RORA: variants seen among roughly 807,000 people sequenced by gnomAD.
RORA encodes nuclear receptor ROR-alpha.
In RORA, 7 loss-of-function variants were observed where a neutral mutation model predicts 69.5. The ratio of observed to expected loss-of-function variants is 0.10; its 90% CI spans 0.06 to 0.19. RORA has a LOEUF of 0.19. Among genes scored for constraint, RORA ranks in the 10% least tolerant of loss-of-function variants. The probability of loss-of-function intolerance (pLI) is 1.00; values close to 1 mark genes in which losing one functional copy is unlikely to be tolerated. For synonymous variants in RORA, 261 were observed against 240.8 expected (o/e 1.08, Z -0.78); for missense variants, 457 against 663.0 (o/e 0.69, Z 3.41).
intron 2 of RORA, among the ~76,000 whole-genome samples, chr15:60,620,006 C>G (rs1373989568): frequency 6.6e-6 from 1 of 152,206 alleles, no homozygotes; most frequent in Non-Finnish European, 1.5e-5. Context: ...CCCTAAGATT[C>G]TTCCTGTCCC....
chr15:60,675,038 C>G (rs935101762), intron 2 of RORA, among the ~76,000 whole-genome samples: 2 of 152,160 alleles, frequency 1.3e-5, no homozygotes, highest in Non-Finnish European at 2.9e-5. Context: ...GAGGTTAGGA[C>G]TCCATGATGC....
intron 1 of RORA, among the ~76,000 whole-genome samples, chr15:61,044,324 G>C (rs753582352): frequency 6.6e-6 from 1 of 152,096 alleles, no homozygotes; most frequent in African/African-American, 2.4e-5. Flanking sequence ...GCTCCTCTCA[G>C]AGACACCTTG....
chr15:61,136,263 A>T (rs2079239307), intron 1 of RORA, among the ~76,000 whole-genome samples: 1 of 152,086 alleles, frequency 6.6e-6, no homozygotes, highest in Admixed American at 6.6e-5. Flanking sequence ...TACTACCTAA[A>T]TTATCCTCCT....
chr15:60,735,507 A>C (rs1253542229), intron 1 of RORA, among the ~76,000 whole-genome samples: 1 of 152,120 alleles, frequency 6.6e-6, no homozygotes, highest in African/African-American at 2.4e-5. Flanking sequence ...ACTTAATTGA[A>C]ATAAAACCAG....
intron 1 of RORA, among the ~76,000 whole-genome samples, chr15:60,939,256 C>T (rs1201055728): frequency 6.6e-6 from 1 of 152,118 alleles, no homozygotes; most frequent in East Asian, 1.9e-4. Flanking sequence ...CACCATGAAC[C>T]AGGCATTCTT....
chr15:60,656,354 C>CA (rs2070222234), intron 2 of RORA, among the ~76,000 whole-genome samples: 1 of 152,158 alleles, frequency 6.6e-6, no homozygotes. Flanking sequence ...TGGAGGCATA[C>CA]AAAAACAGAC....
At chr15:60,811,712 A>G (rs950838413) in intron 1 of RORA, among the ~76,000 whole-genome samples, 6 of 152,050 alleles carry the variant, frequency 3.9e-5, no homozygotes, top group African/African-American at 1.2e-4. Flanking sequence ...TATTACCCAC[A>G]TCTCAATTCT....
intron 1 of RORA, among the ~76,000 whole-genome samples, chr15:60,852,686 C>T (rs764127376): frequency 6.6e-6 from 1 of 152,122 alleles, no homozygotes; most frequent in Admixed American, 6.5e-5. Flanking sequence ...TTAGAATAGG[C>T]TCAAGCTGTC....
chr15:60,639,112 A>G (rs953089599), intron 2 of RORA, among the ~76,000 whole-genome samples: 5 of 152,052 alleles, frequency 3.3e-5, no homozygotes, highest in African/African-American at 1.2e-4. Context: ...TGATTTTGTC[A>G]TAGTAAGCAC....
At position 60,493,669 on chromosome 15, in the gene RORA, AATTAC is replaced by A. The variant is rs1441973935; in HGVS notation, c.*3781_*3785del. ...TTTGTTTGTATTTTTTTTTTTAGAA[AATTAC>A]ATTACTTTCTTTCTTTGTTTCACAT... On this transcript the variant is annotated 3_prime_UTR_variant, in exon 11 of 11. Transcript: ENST00000335670. The A allele has an allele frequency of 1.3e-5, 2 of 152,168 alleles. No homozygotes were observed. The highest frequency in any genetic ancestry group is 2.1e-4 in the South Asian group (1 of 4,824). 9.4% of individuals were successfully genotyped at this position (152,168 alleles called of 1,614,324 possible). A position where few individuals can be genotyped will look rare whatever the true frequency, so the allele number is the denominator to read the frequency against.
At chr15:61,214,863 C>CCT (rs1555420996) in intron 1 of RORA, among the ~76,000 whole-genome samples, 1 of 107,090 alleles carries the variant, frequency 9.3e-6, no homozygotes, top group East Asian at 2.7e-4. Context: ...CCTTCTTGGA[C>CCT]TTTTTTTTTT....
intron 1 of RORA, among the ~76,000 whole-genome samples, chr15:60,965,793 C>A (rs1893540107): frequency 6.6e-6 from 1 of 152,168 alleles, no homozygotes; most frequent in African/African-American, 2.4e-5. Flanking sequence ...ATGCCAACCT[C>A]TTTCTCTACT....
intron 1 of RORA, among the ~76,000 whole-genome samples, chr15:60,886,167 C>G (rs912649671): frequency 6.6e-6 from 1 of 151,952 alleles, no homozygotes; most frequent in Non-Finnish European, 1.5e-5. Flanking sequence ...ACATTTCCCC[C>G]AAAAAATCAA....
intron 1 of RORA, among the ~76,000 whole-genome samples, chr15:60,945,086 G>C (rs975001382): frequency 1.3e-5 from 2 of 152,156 alleles, no homozygotes; most frequent in Non-Finnish European, 2.9e-5. Flanking sequence ...GAGGAGGAAG[G>C]CTATAGTTTA....
intron 1 of RORA, among the ~76,000 whole-genome samples, chr15:60,969,657 G>A (rs1293709210): frequency 6.6e-6 from 1 of 152,124 alleles, no homozygotes; most frequent in Non-Finnish European, 1.5e-5. Context: ...TATCTCCGAT[G>A]ACAGCATCCT....
chr15:61,066,418 CTTTTTTTTTT>C (rs1168663714), intron 1 of RORA, among the ~76,000 whole-genome samples: 1 of 80,918 alleles, frequency 1.2e-5, no homozygotes, highest in South Asian at 4.5e-4. Flanking sequence ...GGGCATATTC[CTTTTTTTTTT>C]TTTTTTTTTT....
At chr15:60,978,391 T>G (rs1241713694) in intron 1 of RORA, among the ~76,000 whole-genome samples, 4 of 152,210 alleles carry the variant, frequency 2.6e-5, no homozygotes, top group Non-Finnish European at 5.9e-5. Context: ...TAGTTGAGCT[T>G]CAAGAGTTCT....
intron 2 of RORA, among the ~76,000 whole-genome samples, chr15:60,651,484 G>A (rs1215225160): frequency 2.6e-5 from 4 of 152,102 alleles, no homozygotes; most frequent in Admixed American, 6.5e-5. Flanking sequence ...GTTTCCTGCC[G>A]AAGCTGAACA....
chr15:61,111,366 A>C (rs2140784334), intron 1 of RORA, among the ~76,000 whole-genome samples: 1 of 152,296 alleles, frequency 6.6e-6, no homozygotes, highest in South Asian at 2.1e-4. Context: ...GGGAATTACC[A>C]CTGTATTCCC....
Sources: gnomAD v4.1 joint callset for allele counts (sites outside exome capture counted in the v4.1 genomes callset) on GRCh38, gnomAD v4.1.1 for gene constraint, MANE v1.5 for transcripts, NCBI Gene and HGNC (gene_info 2026-07-23, HGNC 2026-07-21) for gene names.